LIMCH1: variants seen among roughly 807,000 people sequenced by gnomAD.
LIMCH1 encodes the protein LIM and calponin homology domains-containing protein 1.
In LIMCH1, 113 loss-of-function variants were observed where a neutral mutation model predicts 176.5. The observed-to-expected ratio is 0.64, with a 90% CI of 0.55 to 0.75. The LOEUF (loss-of-function observed/expected upper bound fraction) is 0.75. LIMCH1 is among the 30% of genes least tolerant of loss of function. The pLI, the probability that LIMCH1 is intolerant of heterozygous loss-of-function variation, is 0.00. For missense variants in LIMCH1, 1,674 were observed against 1,814.9 expected (o/e 0.92, Z 1.41); for synonymous variants, 619 against 645.9 (o/e 0.96, Z 0.63).
chr4:41,690,088 TGAA>T (rs1409620396), intron 30 of LIMCH1, among the ~76,000 whole-genome samples: 2 of 152,234 alleles, frequency 1.3e-5, no homozygotes, highest in Admixed American at 6.5e-5. Flanking sequence ...GGTCTCAGAA[TGAA>T]TATGTCTGTA....
chr4:41,494,432 G>GTT lies in LIMCH1; in HGVS notation c.97-103_97-102dup, dbSNP rs1478267649. The GTT allele has an allele frequency of 5.6e-6, 4 of 715,130 alleles. No homozygotes were observed. In the African/African-American group the frequency reaches 7.2e-5, roughly 13 times the overall value. 44.3% of individuals were successfully genotyped at this position (715,130 alleles called of 1,614,324 possible). ...AAACATACATATATACACATACATA[G>GTT]TTATATATATGTACACACACATACA... On this transcript the variant is annotated intron_variant, in intron 1 of 26. Coordinates refer to the LIMCH1 transcript ENST00000313860.
chr4:41,435,449 G>A (rs1048885529), intron 1 of LIMCH1, among the ~76,000 whole-genome samples: 1 of 152,176 alleles, frequency 6.6e-6, no homozygotes, highest in Non-Finnish European at 1.5e-5. Flanking sequence ...AGAACTGTAA[G>A]AGTCAATTTG....
chr4:41,550,884 C>T (rs7679107), intron 1 of LIMCH1, among the ~76,000 whole-genome samples: 56,836 of 151,998 alleles, frequency 0.37, 15,224 homozygotes, highest in African/African-American at 0.76. Context: ...GATAATATAA[C>T]TTTTATAATC....
At chr4:41,620,148 A>C in intron 6 of LIMCH1, 2 of 384,454 alleles carry the variant, frequency 5.2e-6, no homozygotes, top group Non-Finnish European at 4.7e-6. Context: ...TACAATTTTT[A>C]ATTTGCTGAA....
intron 1 of LIMCH1, among the ~76,000 whole-genome samples, chr4:41,564,283 C>T (rs950955330): frequency 6.6e-6 from 1 of 152,156 alleles, no homozygotes; most frequent in East Asian, 1.9e-4. Context: ...CCAGAGGCTT[C>T]TCTCACCCAT....
At chr4:41,419,600 T>TTCCTTCCG (rs1374029356) in intron 1 of LIMCH1, among the ~76,000 whole-genome samples, 3 of 69,288 alleles carry the variant, frequency 4.3e-5, no homozygotes, top group Non-Finnish European at 7.7e-5. Flanking sequence ...CCTTCCTTCC[T>TTCCTTCCG]TCCGTCCTTC....
rs1457333500 is a variant in LIMCH1, at chr4:41,620,388, T to C, written c.459-36T>C. 2.0e-6 allele frequency: 3 copies of C among 1,524,476 alleles called. No homozygotes were observed. The South Asian group carries it at 3.6e-5, about 19-fold the overall frequency. 94.4% of individuals were successfully genotyped at this position (1,524,476 alleles called of 1,614,324 possible). On this transcript the variant is annotated intron_variant, in intron 6 of 31. Transcript: ENST00000503057. ...ATGGGGTCTGCTCCCCAGCCCAGTC[T>C]GTTAGTTTGGTAAACCATATTGTCC...
At position 41,633,560 on chromosome 4, in the gene LIMCH1, G is replaced by A. The variant is rs1291177185; in HGVS notation, c.1842G>A (p.Leu614=). 3 of 1,536,092 alleles carry A rather than the reference G, an allele frequency of 2.0e-6. No homozygotes were observed. The highest frequency in any genetic ancestry group is 2.6e-6 in the Non-Finnish European group (3 of 1,146,920). The change falls in exon 13 of 32, where the codon CTG becomes CTA. Residue 614 remains leucine (L), a synonymous_variant. Transcript: ENST00000503057. ...EDSSQPLVCP[L]ASECEASGTE... is the part of the protein sequence containing the mutation. ...AATGTTGCCCTAGGGTGTGTCCTCT[G>A]GCCTCTGAGTGTGAGGCTTCAGGGA...
At chr4:41,463,407 T>C (rs757850632) in intron 1 of LIMCH1, among the ~76,000 whole-genome samples, 2 of 152,094 alleles carry the variant, frequency 1.3e-5, no homozygotes, top group Non-Finnish European at 2.9e-5. Context: ...GTAGTAAATC[T>C]GTGATAAATG....
intron 1 of LIMCH1, among the ~76,000 whole-genome samples, chr4:41,481,290 T>C (rs1270022039): frequency 6.6e-6 from 1 of 152,156 alleles, no homozygotes; most frequent in Non-Finnish European, 1.5e-5. Flanking sequence ...GCAGTGTAAC[T>C]GCCACAGGAA....
At chr4:41,676,999 C>A (rs939902049) in intron 23 of LIMCH1, among the ~76,000 whole-genome samples, 4 of 151,678 alleles carry the variant, frequency 2.6e-5, no homozygotes, top group Admixed American at 2.0e-4. Flanking sequence ...CCCGTCTCTA[C>A]CAAAAATACA....
At chr4:41,582,451 A>G (rs4563531) in intron 1 of LIMCH1, among the ~76,000 whole-genome samples, 10,812 of 152,232 alleles carry the variant, frequency 0.071, 1,245 homozygotes, top group African/African-American at 0.24. Flanking sequence ...CATCATTTTC[A>G]GGCTAGTGAG....
intron 1 of LIMCH1, among the ~76,000 whole-genome samples, chr4:41,490,562 C>T (rs2070618780): frequency 6.6e-6 from 1 of 152,140 alleles, no homozygotes; most frequent in Non-Finnish European, 1.5e-5. Flanking sequence ...CCTGAGTTGA[C>T]ACAGCACATG....
chr4:41,376,377 A>G (rs551377206), intron 1 of LIMCH1, among the ~76,000 whole-genome samples: 1 of 152,218 alleles, frequency 6.6e-6, no homozygotes, highest in East Asian at 1.9e-4. Flanking sequence ...TTGAGGTTTT[A>G]TTTTTGGTGT....
intron 14 of LIMCH1, 36 bp from the exon 15 acceptor site, chr4:41,644,464 C>T (rs1040462074): frequency 6.9e-7 from 1 of 1,456,342 alleles, no homozygotes. Flanking sequence ...GGGCGCTGAT[C>T]GCGGTCCCTC....
chr4:41,631,535 A>G, intron 10 of LIMCH1, 58 bp downstream of exon 10: 1 of 1,378,206 alleles, frequency 7.3e-7, no homozygotes, highest in Non-Finnish European at 9.6e-7. Context: ...CTGCTTTTGT[A>G]GAGTTTGCTG....
At chr4:41,658,153 G>A (rs1404084368) in intron 18 of LIMCH1, among the ~76,000 whole-genome samples, 6 of 152,154 alleles carry the variant, frequency 3.9e-5, no homozygotes, top group African/African-American at 1.2e-4. Flanking sequence ...TTAACCTCCC[G>A]GGCCTCAGTT....
chr4:41,488,513 C>T (rs1417493267), intron 1 of LIMCH1, among the ~76,000 whole-genome samples: 1 of 152,114 alleles, frequency 6.6e-6, no homozygotes, highest in African/African-American at 2.4e-5. Context: ...TGAGAGGATA[C>T]TAACAAAATA....
chr4:41,485,342 G>A (rs576074784), intron 1 of LIMCH1, among the ~76,000 whole-genome samples: 1 of 152,292 alleles, frequency 6.6e-6, no homozygotes, highest in Admixed American at 6.5e-5. Context: ...TAAAGCAGAT[G>A]AACACTTTTC....
Sources: gnomAD v4.1 joint callset for allele counts (sites outside exome capture counted in the v4.1 genomes callset) on GRCh38, gnomAD v4.1.1 for gene constraint, MANE v1.5 for transcripts, NCBI Gene and HGNC (gene_info 2026-07-23, HGNC 2026-07-21) for gene names.